Variants in PRKG1 observed in about 807,000 individuals in gnomAD.
The protein encoded by PRKG1 is cGMP-dependent protein kinase 1.
A neutral mutation model predicts 88.1 loss-of-function variants in PRKG1; 35 were observed. The observed-to-expected ratio is 0.40, with a 90% confidence interval of 0.30 to 0.53. PRKG1 has a LOEUF of 0.53. Among genes scored for constraint, PRKG1 ranks in the 20% least tolerant of loss-of-function variants. The pLI is 0.59. For missense variants in PRKG1, 540 were observed against 839.8 expected (o/e 0.64, Z 4.41); for synonymous variants, 303 against 292.5 (o/e 1.04, Z -0.37).
chr10:51,550,752 G>A (rs1410095540), intron 3 of PRKG1, among the ~76,000 whole-genome samples: 1 of 151,906 alleles, frequency 6.6e-6, no homozygotes, highest in East Asian at 1.9e-4. Context: ...AGGAATCTGT[G>A]TAAGTACTGA....
intron 2 of PRKG1, among the ~76,000 whole-genome samples, chr10:51,419,352 G>A (rs1037002526): frequency 2.0e-5 from 3 of 152,112 alleles, no homozygotes; most frequent in Admixed American, 6.6e-5. Flanking sequence ...AAGAATTGAA[G>A]GACCAGTGAA....
At chr10:51,736,326 G>A (rs1028552397) in intron 3 of PRKG1, among the ~76,000 whole-genome samples, 2 of 152,048 alleles carry the variant, frequency 1.3e-5, no homozygotes, top group Admixed American at 6.5e-5. Flanking sequence ...ATGATGCCCA[G>A]ACTGGTCTCG....
intron 1 of PRKG1, among the ~76,000 whole-genome samples, chr10:51,120,784 A>G (rs1278385619): frequency 1.3e-5 from 2 of 152,176 alleles, no homozygotes; most frequent in Non-Finnish European, 1.5e-5. Context: ...GCAAAGAGAC[A>G]TTGTATTAAT....
intron 2 of PRKG1, among the ~76,000 whole-genome samples, chr10:51,243,121 G>A (rs549786026): frequency 1.3e-5 from 2 of 152,234 alleles, no homozygotes; most frequent in South Asian, 2.1e-4. Flanking sequence ...AGGCTTTTTG[G>A]TGGGGGATTG....
intron 3 of PRKG1, among the ~76,000 whole-genome samples, chr10:51,644,598 A>G (rs1839873614): frequency 6.6e-6 from 1 of 152,116 alleles, no homozygotes; most frequent in Non-Finnish European, 1.5e-5. Flanking sequence ...TAACAGCTTT[A>G]TTATTATCAG....
At chr10:51,746,048 C>A (rs1489619173) in intron 3 of PRKG1, among the ~76,000 whole-genome samples, 1 of 152,126 alleles carries the variant, frequency 6.6e-6, no homozygotes, top group South Asian at 2.1e-4. Context: ...CTAGGTCTTG[C>A]TTTGTTGCCC....
At chr10:51,397,125 A>ATTT (rs35688462) in intron 2 of PRKG1, among the ~76,000 whole-genome samples, 4 of 126,088 alleles carry the variant, frequency 3.2e-5, no homozygotes, top group African/African-American at 1.2e-4. Flanking sequence ...ATTACTGAGT[A>ATTT]TTTTTTTTTT....
Position 52,149,571 on chromosome 10 carries a change from C to T in PRKG1, c.1002-12318C>T, listed in dbSNP as rs527413043. ...AAGCCAGGAAAAGACACCAACAGGGCGCACATGCAGAGGAAAGGCCATGTG... is the reference window on the plus strand; with the variant it reads ...AAGCCAGGAAAAGACACCAACAGGGTGCACATGCAGAGGAAAGGCCATGTG... On this transcript the variant is annotated intron_variant, in intron 8 of 17. Transcript: ENST00000373980. Among the ~76,000 whole-genome samples, 114 of 152,140 alleles carry T rather than the reference C, an allele frequency of 7.5e-4. No homozygotes were observed. In the South Asian group the frequency reaches 0.022, roughly 29 times the overall value.
intron 5 of PRKG1, among the ~76,000 whole-genome samples, chr10:52,033,681 G>C (rs2133213973): frequency 6.6e-6 from 1 of 152,240 alleles, no homozygotes; most frequent in Non-Finnish European, 1.5e-5. Context: ...GAGCTGTTGG[G>C]GGAGGGAGGA....
intron 9 of PRKG1, among the ~76,000 whole-genome samples, chr10:52,170,503 G>A (rs957684436): frequency 1.3e-5 from 2 of 152,048 alleles, no homozygotes; most frequent in Non-Finnish European, 2.9e-5. Flanking sequence ...GTGGCTGCAG[G>A]GCTGGCTCTC....
chr10:51,662,741 A>G (rs1840330762), intron 3 of PRKG1, among the ~76,000 whole-genome samples: 1 of 152,186 alleles, frequency 6.6e-6, no homozygotes. Flanking sequence ...AAGGATTAAG[A>G]AAAACTTCAG....
intron 3 of PRKG1, among the ~76,000 whole-genome samples, chr10:51,794,232 T>G (rs765463033): frequency 1.3e-5 from 2 of 152,078 alleles, no homozygotes; most frequent in African/African-American, 2.4e-5. Context: ...AAGAGAGAGA[T>G]AAACTGCAAT....
At chr10:51,231,369 A>G (rs1838839699) in intron 2 of PRKG1, among the ~76,000 whole-genome samples, 1 of 152,180 alleles carries the variant, frequency 6.6e-6, no homozygotes, top group African/African-American at 2.4e-5. Flanking sequence ...ATATTCATGC[A>G]ATATTCAGGG....
At chr10:52,056,284 A>C (rs973984366) in intron 6 of PRKG1, among the ~76,000 whole-genome samples, 4 of 152,158 alleles carry the variant, frequency 2.6e-5, no homozygotes, top group Admixed American at 2.0e-4. Flanking sequence ...CCATGGATGT[A>C]AATTATTTGA....
At chr10:51,916,683 G>T (rs1309257473) in intron 5 of PRKG1, among the ~76,000 whole-genome samples, 1 of 152,180 alleles carries the variant, frequency 6.6e-6, no homozygotes, top group African/African-American at 2.4e-5. Flanking sequence ...ATACCCAAGA[G>T]AATTGGAAAC....
At chr10:51,109,792 A>C (rs1844938942) in intron 1 of PRKG1, among the ~76,000 whole-genome samples, 1 of 152,158 alleles carries the variant, frequency 6.6e-6, no homozygotes. Flanking sequence ...TATTTAAGAA[A>C]GAATAAAAAG....
chr10:51,537,748 A>AAT (rs1554819689), intron 3 of PRKG1, among the ~76,000 whole-genome samples: 1 of 150,878 alleles, frequency 6.6e-6, no homozygotes, highest in Non-Finnish European at 1.5e-5. Context: ...AAAAAAAAAA[A>AAT]TTACTCGGGG....
chr10:51,889,112 A>G (rs1165079415), intron 4 of PRKG1, among the ~76,000 whole-genome samples: 2 of 149,384 alleles, frequency 1.3e-5, no homozygotes, highest in Admixed American at 1.3e-4. Flanking sequence ...CACAATGTGC[A>G]GGTTTGTTAC....
At chr10:51,689,336 C>A (rs72797355) in intron 3 of PRKG1, among the ~76,000 whole-genome samples, 15,178 of 152,080 alleles carry the variant, frequency 0.1, 857 homozygotes, top group African/African-American at 0.15. Context: ...ATATTTCATA[C>A]ATACACACAT....
Sources: allele counts gnomAD v4.1 joint callset (sites outside exome capture counted in the v4.1 genomes callset), GRCh38; gene constraint gnomAD v4.1.1; transcripts MANE v1.5; gene names NCBI Gene and HGNC (gene_info 2026-07-23, HGNC 2026-07-21).